The following ARHGAP39 variants were observed in gnomAD, a reference collection of about 807,000 sequenced individuals.
The protein encoded by ARHGAP39 is Rho GTPase activating protein 39, also known as rho GTPase-activating protein 39.
In ARHGAP39, 44 loss-of-function variants were observed where a neutral mutation model predicts 106.9. The ratio of observed to expected loss-of-function variants is 0.41; its 90% CI spans 0.32 to 0.53. ARHGAP39 has a LOEUF of 0.53. Among genes scored for constraint, ARHGAP39 ranks in the 20% least tolerant of loss-of-function variants. The pLI, the probability that ARHGAP39 is intolerant of heterozygous loss-of-function variation, is 0.21. For missense variants in ARHGAP39, 1,496 were observed against 1,577.3 expected, an observed-to-expected ratio of 0.95 and a Z score of 0.87; for synonymous variants, 768 against 693.2, an observed-to-expected ratio of 1.11 and a Z score of -1.69.
chr8:144,692,439 A>G, the ARHGAP39 span, among the ~76,000 whole-genome samples: 2 of 152,354 alleles, frequency 1.3e-5, no homozygotes, highest in East Asian at 1.9e-4. Context: ...GGCCTGGGGC[A>G]GCCGCAGGAA....
intron 3 of ARHGAP39, among the ~76,000 whole-genome samples, chr8:144,567,758 CCTCT>C (rs765112194): frequency 6.6e-6 from 1 of 152,258 alleles, no homozygotes; most frequent in Admixed American, 6.5e-5. Context: ...CTCTCTCTCT[CCTCT>C]CTCTCTGCCT....
At chr8:144,557,886 C>G (rs1426094806) in intron 3 of ARHGAP39, among the ~76,000 whole-genome samples, 1 of 152,146 alleles carries the variant, frequency 6.6e-6, no homozygotes, top group Non-Finnish European at 1.5e-5. Context: ...GGCAATGCAA[C>G]TGGACAAGAA....
chr8:144,639,915 T>C (rs1821268760), intron 1 of ARHGAP39, among the ~76,000 whole-genome samples: 2 of 152,204 alleles, frequency 1.3e-5, no homozygotes, highest in African/African-American at 4.8e-5. Flanking sequence ...ATGCTTTGTC[T>C]TAGGAAACTG....
the ARHGAP39 span, among the ~76,000 whole-genome samples, chr8:144,696,491 C>T: frequency 6.6e-6 from 1 of 152,186 alleles, no homozygotes; most frequent in African/African-American, 2.4e-5. Context: ...TTTTGTCATA[C>T]AAGTCTTTTT....
intron 3 of ARHGAP39, among the ~76,000 whole-genome samples, chr8:144,577,460 C>T (rs139512255): frequency 1.1e-4 from 16 of 152,232 alleles, no homozygotes; most frequent in Admixed American, 5.2e-4. Flanking sequence ...AAGCTTTCCC[C>T]GAGATCAGGA....
chr8:144,686,871 C>T (rs1822602507), upstream of ARHGAP39, among the ~76,000 whole-genome samples: 1 of 152,204 alleles, frequency 6.6e-6, no homozygotes, highest in Non-Finnish European at 1.5e-5. Flanking sequence ...TCACCTTAAA[C>T]TTGTGACAAC....
chr8:144,580,031 C>A (rs1818911706), intron 3 of ARHGAP39, among the ~76,000 whole-genome samples: 1 of 152,038 alleles, frequency 6.6e-6, no homozygotes, highest in Non-Finnish European at 1.5e-5. Context: ...CTCAGCCCTT[C>A]CCCACTGTCC....
rs779442641 is a variant in ARHGAP39, at chr8:144,609,397, C to CTTTT, written c.-81-3706_-81-3703dup. Among the ~76,000 whole-genome samples the CTTTT allele has an allele frequency of 8.4e-4, 102 of 121,322 alleles. 1 individual carries two copies. The highest frequency in any genetic ancestry group is 1.5e-3 in the African/African-American group (47 of 31,570). The allele number at this position is 121,322 out of a possible 152,430, so 79.6% of individuals were successfully genotyped here. ...TGCCAATTGGTCACGATGTATTGTC[C>CTTTT]TTTTTTTTTTTTTTTTTTTTTTGAG... On this transcript the variant is annotated intron_variant, in intron 1 of 11. Coordinates refer to ENST00000377307, the MANE Select transcript of ARHGAP39 (RefSeq NM_025251.3).
upstream of ARHGAP39, among the ~76,000 whole-genome samples, chr8:144,690,416 A>G (rs1205456096): frequency 6.6e-6 from 1 of 151,962 alleles, no homozygotes; most frequent in African/African-American, 2.4e-5. Context: ...ACCATTTTAC[A>G]TTCCCACCGA....
At chr8:144,566,862 G>GA (rs376603057) in intron 3 of ARHGAP39, among the ~76,000 whole-genome samples, 226 of 92,982 alleles carry the variant, frequency 2.4e-3, no homozygotes, top group Middle Eastern at 0.013. Flanking sequence ...CTCAAAAAAA[G>GA]AAAAAAAAAA....
intron 1 of ARHGAP39, among the ~76,000 whole-genome samples, chr8:144,654,299 G>A (rs943430176): frequency 6.6e-6 from 1 of 151,928 alleles, no homozygotes; most frequent in Non-Finnish European, 1.5e-5. Flanking sequence ...GAGCCCAGGA[G>A]TGTGGGACCA....
rs1049859276 is a variant in ARHGAP39 at position 144,591,768 on chromosome 8, G to A, written c.81-10491C>T. 6.6e-6 allele frequency among the ~76,000 whole-genome samples: 1 copy of A among 152,208 alleles called. No homozygotes were observed. Among genetic ancestry groups the A allele is most frequent in the Non-Finnish European group, 1.5e-5 (1 of 68,040 alleles). ...GACCACATGGACGCAGGTCAAACGC[G>A]GTGAGCAGTGAGGTGCCCTCGGCAA... On this transcript the variant is annotated intron_variant, in intron 2 of 11. Coordinates refer to ENST00000377307, the MANE Select transcript of ARHGAP39 (RefSeq NM_025251.3). The surrounding 1 kb of genome is among the most constrained non-coding windows in gnomAD (Gnocchi z 5.3).
intron 3 of ARHGAP39, among the ~76,000 whole-genome samples, chr8:144,573,074 C>G (rs936830139): frequency 6.6e-6 from 1 of 152,156 alleles, no homozygotes; most frequent in Non-Finnish European, 1.5e-5. Context: ...ACTAGAAATA[C>G]CATTTGACCC....
chr8:144,601,251 C>CGT (rs1491509050), intron 2 of ARHGAP39, among the ~76,000 whole-genome samples: 4 of 104,068 alleles, frequency 3.8e-5, no homozygotes, highest in South Asian at 6.9e-4. Context: ...TGCATGGAGG[C>CGT]GTGTGTGCTC....
rs541839454 is a variant in ARHGAP39 at position 144,561,665 on chromosome 8, C to T, written c.513-6022G>A. On this transcript the variant is annotated intron_variant, in intron 3 of 11. Coordinates refer to ENST00000377307, the MANE Select transcript of ARHGAP39 (RefSeq NM_025251.3). ...CATCGCGCTCCAGTGGTTTCCATCGCGCTCCAGTGGTTTCCATCGCGCTCC... is the reference window on the plus strand; with the variant it reads ...CATCGCGCTCCAGTGGTTTCCATCGTGCTCCAGTGGTTTCCATCGCGCTCC... Among the ~76,000 whole-genome samples, 16 of 149,298 alleles carry T rather than the reference C, an allele frequency of 1.1e-4. 1 individual carries two copies. The highest frequency in any genetic ancestry group is 2.7e-4 in the African/African-American group (11 of 40,426).
In ARHGAP39 at chr8:144,564,302, C is replaced by T. The variant is rs896883399; in HGVS notation, c.513-8659G>A. Among the ~76,000 whole-genome samples the T allele has an allele frequency of 4.6e-5, 7 of 152,308 alleles. No individual in the cohort carries two copies. The East Asian group carries it at 9.6e-4, about 21-fold the overall frequency. ...TTCTCTGAGCAGCAGCACTGGCCCC[C>T]GTTGTCCCCTGAGCACACCAAATGC... On this transcript the variant is annotated intron_variant, in intron 3 of 11. Coordinates refer to ENST00000377307, the MANE Select transcript of ARHGAP39 (RefSeq NM_025251.3).
chr8:144,682,409 C>T (rs568693869), intron 1 of ARHGAP39, among the ~76,000 whole-genome samples: 14 of 150,012 alleles, frequency 9.3e-5, no homozygotes, highest in Non-Finnish European at 2.1e-4. Flanking sequence ...ATTAGCCAGG[C>T]GTGGTGGCAG....
At chr8:144,575,724 A>G (rs1818747393) in intron 3 of ARHGAP39, among the ~76,000 whole-genome samples, 2 of 152,182 alleles carry the variant, frequency 1.3e-5, no homozygotes, top group Admixed American at 1.3e-4. Context: ...TATAGTGAAT[A>G]CACAAACCAG....
chr8:144,539,766 T>C (rs547114100), intron 6 of ARHGAP39, among the ~76,000 whole-genome samples: 19 of 152,362 alleles, frequency 1.2e-4, no homozygotes, highest in African/African-American at 4.3e-4. Flanking sequence ...ACTGACCCAC[T>C]GTCTACCTCA....
Sources: gnomAD v4.1 joint callset for allele counts (sites outside exome capture counted in the v4.1 genomes callset) on GRCh38, gnomAD v4.1.1 for gene constraint, Gnocchi (gnomAD v3.1) non-coding constraint, MANE v1.5 for transcripts, NCBI Gene and HGNC (gene_info 2026-07-23, HGNC 2026-07-21) for gene names.